The following SYNE2 variants were observed in gnomAD, a reference collection of about 807,000 sequenced individuals.
SYNE2 encodes spectrin repeat containing nuclear envelope protein 2.
SYNE2 carries 431 observed loss-of-function variants against 856.3 expected under a neutral mutation model. The ratio of observed to expected loss-of-function variants is 0.50; its 90% CI spans 0.47 to 0.55. The LOEUF is 0.55. SYNE2 is among the 20% of genes least tolerant of loss of function. The pLI is 0.00. For synonymous variants in SYNE2, 2,923 were observed against 2,872.3 expected, an observed-to-expected ratio of 1.02 and a Z score of -0.56; for missense variants, 8,129 against 8,023.2, an observed-to-expected ratio of 1.01 and a Z score of -0.50.
At chr14:64,062,042 G>A (rs115928215) in intron 49 of SYNE2, among the ~76,000 whole-genome samples, 2,251 of 152,008 alleles carry the variant, frequency 0.015, 59 homozygotes, top group African/African-American at 0.051. Context: ...CATTCAATGG[G>A]GGATTTAGGC....
intron 95 of SYNE2, 61 bp from the exon 96 acceptor site, chr14:64,177,297 A>C: frequency 6.3e-7 from 1 of 1,595,298 alleles, no homozygotes; most frequent in East Asian, 2.2e-5. Context: ...GAGCTATTCT[A>C]TTTCTACAAT....
intron 8 of SYNE2, 51 bp downstream of exon 8, chr14:63,954,966 T>C (rs1306549193): frequency 6.8e-7 from 1 of 1,475,470 alleles, no homozygotes; most frequent in Admixed American, 1.7e-5. Flanking sequence ...TAGCATGAAG[T>C]TGATTTCAAA....
At chr14:64,212,213 C>A in intron 104 of SYNE2, 115 bp downstream of exon 104, 1 of 1,543,732 alleles carries the variant, frequency 6.5e-7, no homozygotes, top group Non-Finnish European at 8.8e-7. Flanking sequence ...ATTCTTAAAG[C>A]AGCCAGGCTA....
intron 2 of SYNE2, among the ~76,000 whole-genome samples, chr14:63,921,571 G>C (rs1409147071): frequency 6.6e-6 from 1 of 152,122 alleles, no homozygotes; most frequent in African/African-American, 2.4e-5. Flanking sequence ...AAAAAGGAGA[G>C]GGTAGGAAAC....
At chr14:63,761,761 C>G (rs1182312261), upstream of SYNE2, among the ~76,000 whole-genome samples, 1 of 152,220 alleles carries the variant, frequency 6.6e-6, no homozygotes, top group Non-Finnish European at 1.5e-5. Context: ...CTGCTATCTT[C>G]TCAAATGCCA....
intron 99 of SYNE2, among the ~76,000 whole-genome samples, chr14:64,197,394 C>T (rs915454456): frequency 5.3e-5 from 8 of 152,128 alleles, no homozygotes; most frequent in African/African-American, 1.2e-4. Flanking sequence ...TGAGCTCAGA[C>T]GTGTATTGTA....
Position 63,963,336 on chromosome 14 carries a change from G to A in SYNE2, c.889-563G>A, listed in dbSNP as rs118052468. The stretch of plus-strand genomic sequence containing the variant: ...AATAGGAAAAAACAAAGTAAATGAA[G>A]GTTAAGGAAGAGTGGAAATAAGATA... On this transcript the variant is annotated intron_variant, in intron 9 of 115. Coordinates refer to ENST00000555002, the MANE Select transcript of SYNE2 (RefSeq NM_182914.3). 1.1e-3 allele frequency among the ~76,000 whole-genome samples: 161 copies of A among 152,290 alleles called. 2 individuals carry two copies. The East Asian group carries it at 0.015, about 14-fold the overall frequency.
rs2096961983 is a variant in SYNE2, at chr14:64,024,477, T to C, written c.5840+18T>C. The C allele has an allele frequency of 1.2e-6, 2 of 1,606,490 alleles. No homozygotes were observed. Among genetic ancestry groups the C allele is most frequent in the African/African-American group, 2.7e-5 (2 of 74,918 alleles). On this transcript the variant is annotated intron_variant, in intron 39 of 115. Coordinates refer to ENST00000555002, the MANE Select transcript of SYNE2 (RefSeq NM_182914.3). ...CTACTGAGGTAGGAAATAAAGATGA[T>C]ATCTAAATAACATGTTTTCTAACCA...
intron 45 of SYNE2, among the ~76,000 whole-genome samples, chr14:64,038,188 C>A (rs1371434728): frequency 1.3e-4 from 20 of 152,152 alleles, no homozygotes; most frequent in African/African-American, 4.8e-4. Context: ...AGACGCTCCC[C>A]ACATCTCAGA....
chr14:64,190,275 A>G (rs2098512074), intron 99 of SYNE2, 38 bp downstream of exon 99: 2 of 1,613,174 alleles, frequency 1.2e-6, no homozygotes, highest in South Asian at 1.1e-5. Flanking sequence ...CTCCAGGAAC[A>G]GTAATTACTT....
chr14:63,788,555 C>T (rs1887623833), intron 1 of SYNE2, among the ~76,000 whole-genome samples: 1 of 151,970 alleles, frequency 6.6e-6, no homozygotes, highest in South Asian at 2.1e-4. Flanking sequence ...AGCGGGGCTC[C>T]TGCCTGCTCC....
At chr14:64,118,568 G>T (rs1303170790) in intron 66 of SYNE2, among the ~76,000 whole-genome samples, 1 of 152,112 alleles carries the variant, frequency 6.6e-6, no homozygotes, top group Non-Finnish European at 1.5e-5. Flanking sequence ...CAACATAAAA[G>T]ATTAGGAAGG....
chr14:64,165,441 T>G lies in SYNE2; in HGVS notation c.16605+31T>G, dbSNP rs183160418. The G allele has an allele frequency of 8.1e-5, 130 of 1,610,002 alleles. No homozygotes were observed. In the African/African-American group the frequency reaches 1.5e-3, roughly 18 times the overall value. On this transcript the variant is annotated intron_variant, in intron 90 of 115. Coordinates refer to ENST00000555002, the MANE Select transcript of SYNE2 (RefSeq NM_182914.3). ...GCCAATATTTGTCTTTTCTAAGGGC[T>G]TAGACTCACCATAAGGTTAAAAAAA...
In SYNE2 at chr14:64,002,827, G is replaced by A. The variant is rs1367885865; in HGVS notation, c.3894G>A (p.Gln1298=). ...ACCCATTTGATCTACACGCAATGCA[G>A]AATATTATACTGAAATACAAAACAC... ...ELHPFDLHAM[Q]NIILKYKTQF... The change falls in exon 30 of 116, where the codon CAG becomes CAA. Residue 1298 remains glutamine, a synonymous_variant. Transcript: ENST00000555002. 6.2e-7 allele frequency: 1 copy of A among 1,614,140 alleles called. No homozygotes were observed. The highest frequency in any genetic ancestry group is 1.1e-5 in the South Asian group (1 of 91,084).
chr14:64,109,458 C>G (rs1248430907), intron 65 of SYNE2, among the ~76,000 whole-genome samples: 2 of 152,040 alleles, frequency 1.3e-5, no homozygotes, highest in East Asian at 3.8e-4. Flanking sequence ...AGTAAGATGC[C>G]CAAGGTCATT....
rs2098184994 is a variant in SYNE2, at chr14:64,146,160, A to C, written c.15576A>C (p.Arg5192Ser). 1 of 1,613,016 alleles carries C rather than the reference A, an allele frequency of 6.2e-7. No homozygotes were observed. The highest frequency in any genetic ancestry group is 1.3e-5 in the African/African-American group (1 of 74,876). ...ACTGGCTGGAAGCACAAGAAGAGAG[A>C]CTGAAAACTTTACAAAAACCTGAAA... is the stretch of plus-strand genomic sequence containing the variant. ...LNNWLEAQEE[R>S]LKTLQKPESV... Residue 5192 changes from arginine (R) to serine (S), a missense_variant, in exon 84 of 116, where the codon AGA becomes AGC. By Grantham distance (110) the Arg-to-Ser change is moderately radical. Coordinates refer to ENST00000555002, the MANE Select transcript of SYNE2 (RefSeq NM_182914.3).
At chr14:63,866,554 A>G (rs983641755) in intron 1 of SYNE2, among the ~76,000 whole-genome samples, 3 of 152,198 alleles carry the variant, frequency 2.0e-5, no homozygotes, top group African/African-American at 7.2e-5. Context: ...GACAACCTAC[A>G]GTGCAAAAAA....
chr14:63,986,690 T>C, intron 19 of SYNE2, 73 bp downstream of exon 19: 1 of 1,499,488 alleles, frequency 6.7e-7, no homozygotes, highest in Non-Finnish European at 9.3e-7. Context: ...TAAGAAGTTT[T>C]AAAGTAAGTA....
At chr14:64,093,575 G>A (rs2097648862) in intron 61 of SYNE2, 95 bp downstream of exon 61, 3 of 1,367,528 alleles carry the variant, frequency 2.2e-6, no homozygotes, top group Non-Finnish European at 3.1e-6. Flanking sequence ...AGCCTTTCTA[G>A]TGGTGCAGTG....
Sources: allele counts gnomAD v4.1 joint callset (sites outside exome capture counted in the v4.1 genomes callset), GRCh38; gene constraint gnomAD v4.1.1; transcripts MANE v1.5; gene names NCBI Gene and HGNC (gene_info 2026-07-23, HGNC 2026-07-21).